The following ANTXR2 variants were observed in gnomAD, a reference collection of about 807,000 sequenced individuals.
The protein encoded by ANTXR2 is anthrax toxin receptor 2.
In ANTXR2, 44 loss-of-function variants were observed where a neutral mutation model predicts 73.7. The ratio of observed to expected loss-of-function variants is 0.60; its 90% CI spans 0.47 to 0.77. The LOEUF is 0.77. ANTXR2 is among the 30% of genes least tolerant of loss of function. The pLI, the probability that ANTXR2 is intolerant of heterozygous loss-of-function variation, is 0.00. For missense variants in ANTXR2, 604 were observed against 592.5 expected, an observed-to-expected ratio of 1.02 and a Z score of -0.20; for synonymous variants, 217 against 205.9, an observed-to-expected ratio of 1.05 and a Z score of -0.46.
At chr4:80,017,594 G>A (rs1191756183) in intron 11 of ANTXR2, among the ~76,000 whole-genome samples, 3 of 152,114 alleles carry the variant, frequency 2.0e-5, no homozygotes, top group African/African-American at 7.2e-5. Context: ...TGAAAATCAT[G>A]CATTGTTATA....
At chr4:80,015,463 T>C (rs1176481476) in intron 11 of ANTXR2, among the ~76,000 whole-genome samples, 1 of 152,216 alleles carries the variant, frequency 6.6e-6, no homozygotes, top group East Asian at 1.9e-4. Context: ...ATTTGTTTCC[T>C]AAAAGCTTTC....
chr4:80,068,045 T>C (rs764948596), intron 3 of ANTXR2, among the ~76,000 whole-genome samples: 5 of 152,082 alleles, frequency 3.3e-5, no homozygotes, highest in Non-Finnish European at 5.9e-5. Flanking sequence ...GAAGACAAGA[T>C]CCTAGGCTGC....
chr4:80,059,983 T>C (rs1404724474), intron 3 of ANTXR2, among the ~76,000 whole-genome samples: 1 of 152,186 alleles, frequency 6.6e-6, no homozygotes, highest in Admixed American at 6.5e-5. Flanking sequence ...TATCTCCTAC[T>C]TTTTCTTTCT....
At chr4:79,918,572 G>GA (rs1727445906) in intron 16 of ANTXR2, among the ~76,000 whole-genome samples, 1 of 152,028 alleles carries the variant, frequency 6.6e-6, no homozygotes, top group African/African-American at 2.4e-5. Flanking sequence ...AGTAAATGGG[G>GA]AAAAATATCA....
At chr4:80,050,304 G>A (rs1733715460) in intron 7 of ANTXR2, among the ~76,000 whole-genome samples, 1 of 151,608 alleles carries the variant, frequency 6.6e-6, no homozygotes, top group African/African-American at 2.4e-5. Flanking sequence ...GACTTTGTGT[G>A]CTACACTATC....
At chr4:80,036,766 C>T (rs568691776) in intron 7 of ANTXR2, among the ~76,000 whole-genome samples, 3 of 152,120 alleles carry the variant, frequency 2.0e-5, no homozygotes, top group East Asian at 3.9e-4. Context: ...CCAGCCTGGA[C>T]GACAGAGCAA....
intron 16 of ANTXR2, among the ~76,000 whole-genome samples, chr4:79,951,492 C>T (rs1368134822): frequency 2.0e-5 from 3 of 152,006 alleles, no homozygotes; most frequent in African/African-American, 7.3e-5. Context: ...AGGAGAATTG[C>T]TTGAACCTGG....
chr4:79,912,070 A>G (rs1199898891), intron 16 of ANTXR2, among the ~76,000 whole-genome samples: 2 of 152,022 alleles, frequency 1.3e-5, no homozygotes, highest in East Asian at 1.9e-4. Context: ...GTTTGGGAAT[A>G]TAATACTCTT....
intron 12 of ANTXR2, among the ~76,000 whole-genome samples, chr4:80,006,509 T>C (rs1731307949): frequency 6.6e-6 from 1 of 152,120 alleles, no homozygotes; most frequent in South Asian, 2.1e-4. Context: ...TAAAGGAAGT[T>C]TCCTCTATTA....
chr4:80,028,044 A>G (rs1732519646), intron 10 of ANTXR2, among the ~76,000 whole-genome samples: 1 of 152,154 alleles, frequency 6.6e-6, no homozygotes, highest in Non-Finnish European at 1.5e-5. Context: ...TTAATCATAC[A>G]CCATTTTAAA....
chr4:79,933,258 C>A (rs946667722), intron 16 of ANTXR2, among the ~76,000 whole-genome samples: 2 of 152,142 alleles, frequency 1.3e-5, no homozygotes, highest in African/African-American at 2.4e-5. Flanking sequence ...TGTATGGATT[C>A]AACTAAGTTT....
At chr4:80,053,375 G>T (rs745469638) in intron 7 of ANTXR2, among the ~76,000 whole-genome samples, 44 of 151,672 alleles carry the variant, frequency 2.9e-4, no homozygotes, top group Non-Finnish European at 5.8e-4. Flanking sequence ...TCTCTGAAAA[G>T]CTCCATTAAT....
At chr4:80,051,785 T>C (rs36027056) in intron 7 of ANTXR2, among the ~76,000 whole-genome samples, 6 of 151,448 alleles carry the variant, frequency 4.0e-5, no homozygotes, top group Non-Finnish European at 7.4e-5. Flanking sequence ...GTGTTTCTTC[T>C]TTTTTTTAAC....
chr4:79,974,623 T>C (rs1282687364), intron 16 of ANTXR2, among the ~76,000 whole-genome samples: 1 of 151,850 alleles, frequency 6.6e-6, no homozygotes, highest in African/African-American at 2.4e-5. Context: ...CTGAATAATA[T>C]GATTAGGAGA....
intron 7 of ANTXR2, among the ~76,000 whole-genome samples, chr4:80,053,630 T>C (rs546855101): frequency 6.6e-6 from 1 of 151,732 alleles, no homozygotes; most frequent in Non-Finnish European, 1.5e-5. Context: ...TCCCAGTGCT[T>C]GTAGCAAAAG....
intron 7 of ANTXR2, among the ~76,000 whole-genome samples, chr4:80,047,758 G>A (rs1733585033): frequency 6.6e-6 from 1 of 151,692 alleles, no homozygotes; most frequent in Admixed American, 6.6e-5. Flanking sequence ...AAGGAATGAG[G>A]CAAATAGAAA....
chr4:80,040,483 C>T (rs1272000680), intron 7 of ANTXR2, among the ~76,000 whole-genome samples: 2 of 152,152 alleles, frequency 1.3e-5, no homozygotes, highest in East Asian at 3.9e-4. Flanking sequence ...CTTTGCAACT[C>T]CATCATTGGT....
chr4:80,034,802 A>G (rs1732880522), intron 8 of ANTXR2, among the ~76,000 whole-genome samples: 1 of 152,178 alleles, frequency 6.6e-6, no homozygotes, highest in South Asian at 2.1e-4. Context: ...TATCTAACAT[A>G]ATACAAGTAT....
chr4:79,957,828 A>G (rs1292615410), intron 16 of ANTXR2, among the ~76,000 whole-genome samples: 2 of 152,084 alleles, frequency 1.3e-5, no homozygotes, highest in African/African-American at 4.8e-5. Context: ...TATTAACTAG[A>G]CAAACATTAG....
Sources: allele counts gnomAD v4.1 joint callset (sites outside exome capture counted in the v4.1 genomes callset), GRCh38; gene constraint gnomAD v4.1.1; transcripts MANE v1.5; gene names NCBI Gene and HGNC (gene_info 2026-07-23, HGNC 2026-07-21).